Variants in CDKAL1 observed in about 807,000 individuals in gnomAD.
CDKAL1 encodes threonylcarbamoyladenosine tRNA methylthiotransferase.
In CDKAL1, 32 loss-of-function variants were observed where a neutral mutation model predicts 68.2. The ratio of observed to expected loss-of-function variants is 0.47; its 90% CI spans 0.35 to 0.63. The LOEUF (loss-of-function observed/expected upper bound fraction) is 0.63, where lower values mean the gene tolerates loss of function less well. Ranked by LOEUF, CDKAL1 falls within the 30% of genes least tolerant of loss-of-function variation. CDKAL1 has a pLI of 0.00. For missense variants in CDKAL1, 606 were observed against 696.7 expected (o/e 0.87, Z 1.47); for synonymous variants, 234 against 244.3 (o/e 0.96, Z 0.39).
chr6:20,936,956 C>A (rs1314162524), intron 9 of CDKAL1, among the ~76,000 whole-genome samples: 2 of 152,116 alleles, frequency 1.3e-5, no homozygotes, highest in African/African-American at 2.4e-5. Context: ...AGTCCTTTGC[C>A]CTGATAACCC....
intron 9 of CDKAL1, among the ~76,000 whole-genome samples, chr6:20,851,282 T>G (rs768057435): frequency 2.6e-5 from 4 of 152,214 alleles, no homozygotes; most frequent in African/African-American, 4.8e-5. Flanking sequence ...ATTTTAGATA[T>G]CTAGAAAAAC....
At chr6:20,728,583 A>G (rs1220569644) in intron 5 of CDKAL1, among the ~76,000 whole-genome samples, 1 of 152,174 alleles carries the variant, frequency 6.6e-6, no homozygotes, top group Non-Finnish European at 1.5e-5. Context: ...GAAGCAAAGG[A>G]CAGTGATAGA....
chr6:21,041,085 T>A (rs143430573), intron 11 of CDKAL1, among the ~76,000 whole-genome samples: 1 of 152,190 alleles, frequency 6.6e-6, no homozygotes, highest in South Asian at 2.1e-4. Context: ...ACAAAATCTA[T>A]ATATGCATAC....
intron 8 of CDKAL1, among the ~76,000 whole-genome samples, chr6:20,796,716 C>T (rs528591376): frequency 1.3e-5 from 2 of 152,024 alleles, no homozygotes; most frequent in South Asian, 2.1e-4. Context: ...TTGACAAAGG[C>T]GCAAAGTTCA....
intron 5 of CDKAL1, among the ~76,000 whole-genome samples, chr6:20,711,692 TG>T (rs1771853611): frequency 6.6e-6 from 1 of 152,226 alleles, no homozygotes. Context: ...GTTAATTCCA[TG>T]GCTTAATGAT....
rs149181844 is a variant in CDKAL1 at position 21,202,187 on chromosome 6, C to T, written c.1548+913C>T. Among the ~76,000 whole-genome samples the T allele has an allele frequency of 1.9e-4, 29 of 152,322 alleles. 1 individual carries two copies. The highest frequency in any genetic ancestry group is 6.7e-4 in the African/African-American group (28 of 41,572). On this transcript the variant is annotated intron_variant, in intron 15 of 15. Coordinates refer to ENST00000274695, the MANE Select transcript of CDKAL1 (RefSeq NM_017774.3). ...ATACTATTGTCTGTGTTCTCACTGA[C>T]TGTGGCACTGGATTCTTGTGTCCGA...
chr6:20,949,527 C>CT (rs977087904), intron 9 of CDKAL1, among the ~76,000 whole-genome samples: 32 of 151,936 alleles, frequency 2.1e-4, no homozygotes, highest in Non-Finnish European at 2.5e-4. Flanking sequence ...CTGTGCATCT[C>CT]TTTTTTTTAC....
intron 9 of CDKAL1, among the ~76,000 whole-genome samples, chr6:20,952,034 C>T (rs1243591044): frequency 6.8e-6 from 1 of 146,110 alleles, no homozygotes; most frequent in Non-Finnish European, 1.5e-5. Flanking sequence ...TCTCGGCTCA[C>T]TGTAAGCTCC....
At chr6:20,620,926 G>C (rs1767163873) in intron 4 of CDKAL1, among the ~76,000 whole-genome samples, 1 of 151,956 alleles carries the variant, frequency 6.6e-6, no homozygotes, top group Non-Finnish European at 1.5e-5. Context: ...TGAAGTCCAT[G>C]GTTTGTTTTT....
intron 4 of CDKAL1, among the ~76,000 whole-genome samples, chr6:20,600,771 C>CATATATATATATATATATATAT (rs10522824): frequency 8.1e-6 from 1 of 124,174 alleles, no homozygotes; most frequent in African/African-American, 2.9e-5. Context: ...TATATGTATA[C>CATATATATATATATATATATAT]ATATATATAT....
intron 4 of CDKAL1, among the ~76,000 whole-genome samples, chr6:20,623,771 T>G (rs1374303264): frequency 1.3e-5 from 2 of 152,044 alleles, no homozygotes; most frequent in Non-Finnish European, 2.9e-5. Context: ...ATAGCACTGG[T>G]GATTAAAGTT....
rs1562135570 is a variant in CDKAL1, at chr6:21,230,980, T to G, written c.1681T>G (p.Ser561Ala). 1.2e-6 allele frequency: 2 copies of G among 1,613,524 alleles called. No homozygotes were observed. The highest frequency in any genetic ancestry group is 1.7e-6 in the Non-Finnish European group (2 of 1,179,528). Reference protein sequence around the residue: ...RLHQDCALRMSVGLALLGLLF... With the variant: ...RLHQDCALRMAVGLALLGLLF... Reference sequence around the variant, plus strand: ...ACATCAAGACTGTGCGCTGAGGATGTCCGTGGGCTTGGCTCTGCTGGGTCT... The same window carrying G: ...ACATCAAGACTGTGCGCTGAGGATGGCCGTGGGCTTGGCTCTGCTGGGTCT... Residue 561 changes from serine (S) to alanine (A), a missense_variant, in exon 16 of 16, where the codon TCC (serine) becomes GCC (alanine). By Grantham distance (99) the Ser-to-Ala change is moderately conservative. Coordinates refer to ENST00000274695, the MANE Select transcript of CDKAL1 (RefSeq NM_017774.3).
chr6:20,894,497 A>G (rs2150584435), intron 9 of CDKAL1, among the ~76,000 whole-genome samples: 1 of 149,604 alleles, frequency 6.7e-6, no homozygotes, highest in Non-Finnish European at 1.5e-5. Context: ...ACAGGTTTTA[A>G]GTGTAAGCTG....
At chr6:20,799,525 A>G (rs1184076853) in intron 8 of CDKAL1, among the ~76,000 whole-genome samples, 1 of 152,178 alleles carries the variant, frequency 6.6e-6, no homozygotes, top group Admixed American at 6.5e-5. Context: ...AGACAGTTAT[A>G]TAGCAGGATT....
At chr6:20,568,819 C>G (rs1198306859) in intron 4 of CDKAL1, among the ~76,000 whole-genome samples, 3 of 152,120 alleles carry the variant, frequency 2.0e-5, no homozygotes, top group Non-Finnish European at 4.4e-5. Context: ...CTTCACTCCT[C>G]CCTATGCTGC....
intron 5 of CDKAL1, among the ~76,000 whole-genome samples, chr6:20,707,251 T>G (rs886804124): frequency 1.3e-5 from 2 of 152,208 alleles, no homozygotes; most frequent in Non-Finnish European, 1.5e-5. Flanking sequence ...GTGTTTTGGG[T>G]CTTTCCTTGG....
At chr6:21,106,285 CA>C (rs1773838936) in intron 12 of CDKAL1, among the ~76,000 whole-genome samples, 1 of 152,206 alleles carries the variant, frequency 6.6e-6, no homozygotes, top group African/African-American at 2.4e-5. Context: ...TCTGTATGTA[CA>C]ACCAAGGAAG....
intron 5 of CDKAL1, among the ~76,000 whole-genome samples, chr6:20,692,908 C>T (rs1044475005): frequency 1.3e-5 from 2 of 151,658 alleles, no homozygotes; most frequent in Non-Finnish European, 2.9e-5. Context: ...GGGTGGATCA[C>T]GACGTGAGGA....
chr6:20,637,424 G>A (rs62397574), intron 4 of CDKAL1, among the ~76,000 whole-genome samples: 5,676 of 151,954 alleles, frequency 0.037, 123 homozygotes, highest in Middle Eastern at 0.071. Context: ...TTAGCCGGGT[G>A]TGGTGGCGGG....
Sources: allele counts gnomAD v4.1 joint callset (sites outside exome capture counted in the v4.1 genomes callset), GRCh38; gene constraint gnomAD v4.1.1; transcripts MANE v1.5; gene names NCBI Gene and HGNC (gene_info 2026-07-23, HGNC 2026-07-21).